Variants in FAM168A observed in about 807,000 individuals in gnomAD.
FAM168A encodes the protein protein FAM168A.
In FAM168A, 3 loss-of-function variants were observed where a neutral mutation model predicts 28.5. The ratio of observed to expected loss-of-function variants is 0.11; its 90% CI spans 0.05 to 0.27. The LOEUF is 0.27. FAM168A is among the 10% of genes least tolerant of loss of function. The probability of loss-of-function intolerance (pLI) is 1.00; values close to 1 mark genes in which losing one functional copy is unlikely to be tolerated. For missense variants in FAM168A, 222 were observed against 311.5 expected (o/e 0.71, Z 2.16); for synonymous variants, 122 against 124.2 (o/e 0.98, Z 0.12).
chr11:73,513,573 G>T (rs758301280), intron 1 of FAM168A, among the ~76,000 whole-genome samples: 29 of 151,852 alleles, frequency 1.9e-4, no homozygotes, highest in South Asian at 1.2e-3. Context: ...ATCTACAAAG[G>T]CACCCTAGAA....
chr11:73,576,432 C>T (rs184827722), intron 1 of FAM168A, among the ~76,000 whole-genome samples: 4 of 152,278 alleles, frequency 2.6e-5, no homozygotes, highest in Non-Finnish European at 4.4e-5. Flanking sequence ...AAACAAACAT[C>T]CCATTGAGGC....
chr11:73,473,464 C>T lies in FAM168A; in HGVS notation c.-18-4972G>A, dbSNP rs140941929. Among the ~76,000 whole-genome samples, 1,391 of 152,262 alleles carry T rather than the reference C, an allele frequency of 9.1e-3. 28 individuals carry two copies. Among genetic ancestry groups the T allele is most frequent in the Middle Eastern group, 0.02 (6 of 294 alleles). On this transcript the variant is annotated intron_variant, in intron 1 of 7. Coordinates refer to ENST00000356467, the MANE Select transcript of FAM168A (RefSeq NM_015159.3). ...TTCATATCTACCACAGTACCTGGCA[C>T]CTGCTGGGTCACTGCTGGGCACCAT...
chr11:73,568,491 T>G (rs1003551994), intron 1 of FAM168A, among the ~76,000 whole-genome samples: 1 of 152,204 alleles, frequency 6.6e-6, no homozygotes, highest in African/African-American at 2.4e-5. Flanking sequence ...GCAGGGCACA[T>G]GGAAAACCAA....
intron 1 of FAM168A, among the ~76,000 whole-genome samples, chr11:73,471,078 T>C (rs1867807325): frequency 6.6e-6 from 1 of 152,168 alleles, no homozygotes; most frequent in African/African-American, 2.4e-5. Flanking sequence ...GGTTTCAAAC[T>C]TTAGAATATG....
At chr11:73,479,618 C>T (rs1867940650) in intron 1 of FAM168A, among the ~76,000 whole-genome samples, 1 of 152,216 alleles carries the variant, frequency 6.6e-6, no homozygotes, top group South Asian at 2.1e-4. Flanking sequence ...GAAAGCCAGA[C>T]TGTGCATGGC....
chr11:73,442,955 G>GAGATATATATATATAT (rs1280345663), intron 2 of FAM168A, among the ~76,000 whole-genome samples: 1 of 40,228 alleles, frequency 2.5e-5, no homozygotes, highest in Admixed American at 4.2e-4. Context: ...ATATACAAAG[G>GAGATATATATATATAT]ATATATATAT....
intron 1 of FAM168A, among the ~76,000 whole-genome samples, chr11:73,551,958 G>A (rs745402543): frequency 3.3e-5 from 5 of 152,208 alleles, no homozygotes; most frequent in Admixed American, 1.3e-4. Flanking sequence ...GGATTTCTTA[G>A]TCTGCCCTGG....
intron 1 of FAM168A, among the ~76,000 whole-genome samples, chr11:73,508,648 CCT>C (rs1855161960): frequency 6.6e-6 from 1 of 151,782 alleles, no homozygotes; most frequent in Non-Finnish European, 1.5e-5. Context: ...GTGTGTTTCC[CCT>C]GAGAGTACTA....
chr11:73,542,436 C>G (rs188503890), intron 1 of FAM168A, among the ~76,000 whole-genome samples: 1 of 152,284 alleles, frequency 6.6e-6, no homozygotes, highest in East Asian at 1.9e-4. Flanking sequence ...TAATCCTCAT[C>G]TAATCTATCA....
intron 2 of FAM168A, among the ~76,000 whole-genome samples, chr11:73,460,270 G>A (rs2134562588): frequency 6.6e-6 from 1 of 152,226 alleles, no homozygotes; most frequent in South Asian, 2.1e-4. Flanking sequence ...ATATCAGAGG[G>A]CTACTCATTA....
At chr11:73,418,300 C>A (rs1444403863) in intron 4 of FAM168A, among the ~76,000 whole-genome samples, 1 of 152,084 alleles carries the variant, frequency 6.6e-6, no homozygotes, top group Non-Finnish European at 1.5e-5. Flanking sequence ...AGCACCATCC[C>A]CTTGCTGATG....
intron 1 of FAM168A, chr11:73,580,159 AG>A: frequency 2.7e-6 from 1 of 369,856 alleles, no homozygotes; most frequent in South Asian, 2.1e-5. Context: ...CCAGAAGAAG[AG>A]GTGAGAACGA....
intron 2 of FAM168A, among the ~76,000 whole-genome samples, chr11:73,467,027 T>G (rs1410265180): frequency 6.6e-6 from 1 of 151,812 alleles, no homozygotes; most frequent in Admixed American, 6.6e-5. Context: ...ACAGCCAAGG[T>G]TGGGTTAAAA....
intron 4 of FAM168A, among the ~76,000 whole-genome samples, chr11:73,413,758 T>C (rs989141028): frequency 6.6e-6 from 1 of 152,192 alleles, no homozygotes; most frequent in Admixed American, 6.5e-5. Context: ...TCCATGACCC[T>C]GAGAAGTTTT....
At chr11:73,503,055 G>C (rs1378874738) in intron 1 of FAM168A, among the ~76,000 whole-genome samples, 1 of 152,032 alleles carries the variant, frequency 6.6e-6, no homozygotes, top group Middle Eastern at 3.2e-3. Flanking sequence ...TACTCAACAG[G>C]CAAAAGCTGG....
At chr11:73,433,076 CTTTTTTTTTT>C (rs34994742) in intron 2 of FAM168A, among the ~76,000 whole-genome samples, 161 of 80,602 alleles carry the variant, frequency 2.0e-3, no homozygotes, top group African/African-American at 0.01. Flanking sequence ...CACGCCCCGC[CTTTTTTTTTT>C]TTTTTTTTTT....
chr11:73,425,145 G>A, intron 3 of FAM168A: 2 of 791,046 alleles, frequency 2.5e-6, no homozygotes, highest in Non-Finnish European at 3.8e-6. Context: ...TGCAATAGCA[G>A]TTTCCCCCCA....
intron 1 of FAM168A, among the ~76,000 whole-genome samples, chr11:73,585,361 C>T (rs1944299893): frequency 1.3e-5 from 2 of 152,186 alleles, no homozygotes; most frequent in African/African-American, 4.8e-5. Flanking sequence ...ATTATTACTA[C>T]ACTTCCCTTT....
chr11:73,544,949 AATATATTATATATAAT>A (rs1246743562), intron 1 of FAM168A, among the ~76,000 whole-genome samples: 11 of 92,642 alleles, frequency 1.2e-4, no homozygotes, highest in Non-Finnish European at 1.9e-4. Context: ...TGTAATATAT[AATATATTATATATAAT>A]ATATATTATA....
Sources: gnomAD v4.1 joint callset for allele counts (sites outside exome capture counted in the v4.1 genomes callset) on GRCh38, gnomAD v4.1.1 for gene constraint, MANE v1.5 for transcripts, NCBI Gene and HGNC (gene_info 2026-07-23, HGNC 2026-07-21) for gene names.